The following FRMPD4 variants were observed in gnomAD, a reference collection of about 807,000 sequenced individuals.
The protein encoded by FRMPD4 is FERM and PDZ domain-containing protein 4.
A neutral mutation model predicts 94.1 loss-of-function variants in FRMPD4; 22 were observed. The ratio of observed to expected loss-of-function variants is 0.23; its 90% CI spans 0.17 to 0.33. The LOEUF (loss-of-function observed/expected upper bound fraction) is 0.33, where lower values mean the gene tolerates loss of function less well. Ranked by LOEUF, FRMPD4 falls within the 10% of genes least tolerant of loss-of-function variation. FRMPD4 has a pLI of 1.00. For missense variants in FRMPD4, 1,111 were observed against 1,339.9 expected (o/e 0.83, Z 2.67); for synonymous variants, 631 against 548.6 (o/e 1.15, Z -2.10).
At chrX:11,986,028 C>T (rs756959542) in intron 3 of FRMPD4, among the ~76,000 whole-genome samples, 1 of 112,666 alleles carries the variant, frequency 8.9e-6, no homozygotes, top group South Asian at 3.7e-4. Flanking sequence ...CATTGTAGAG[C>T]CCTAGGGCCT....
chrX:11,952,662 G>A (rs1202592618), intron 3 of FRMPD4, among the ~76,000 whole-genome samples: 1 of 111,591 alleles, frequency 9.0e-6, no homozygotes, highest in Non-Finnish European at 1.9e-5. Context: ...GCTAACCCAA[G>A]GGATATATTT....
intron 3 of FRMPD4, among the ~76,000 whole-genome samples, chrX:12,051,474 A>T (rs977257125): frequency 3.6e-5 from 4 of 111,862 alleles, no homozygotes; most frequent in African/African-American, 1.3e-4. Context: ...TACAAAGTGT[A>T]AAAAATATAA....
chrX:12,164,783 A>G (rs1182909654), intron 1 of FRMPD4, among the ~76,000 whole-genome samples: 3 of 111,981 alleles, frequency 2.7e-5, no homozygotes, highest in Non-Finnish European at 3.8e-5. Context: ...TTTGATTTGC[A>G]TTTCTCTGAT....
chrX:12,635,667 T>C (rs2059437398), intron 4 of FRMPD4, among the ~76,000 whole-genome samples: 1 of 111,287 alleles, frequency 9.0e-6, no homozygotes, highest in African/African-American at 3.3e-5. Context: ...CCATGTGGAT[T>C]TTCAGCAGCT....
intron 1 of FRMPD4, among the ~76,000 whole-genome samples, chrX:12,222,003 GA>G (rs1569196703): frequency 9.0e-6 from 1 of 111,396 alleles, no homozygotes; most frequent in Non-Finnish European, 1.9e-5. Context: ...ACAACAGTAT[GA>G]AAAAATATGC....
chrX:12,170,042 C>T lies in FRMPD4; in HGVS notation c.41+31030C>T, dbSNP rs1432101996. ...ACCATAATTTTCCGCAAAATATTTT[C>T]CTCAGTGCCATGAAAAGTATAGATA... On this transcript the variant is annotated intron_variant, in intron 1 of 16. Coordinates refer to ENST00000675598, the MANE Select transcript of FRMPD4 (RefSeq NM_001368397.1). Among the ~76,000 whole-genome samples the T allele has an allele frequency of 2.7e-5, 3 of 111,778 alleles. No individual in the cohort carries two copies. The East Asian group carries it at 8.5e-4, about 31-fold the overall frequency.
intron 1 of FRMPD4, among the ~76,000 whole-genome samples, chrX:12,228,232 G>A (rs986634734): frequency 8.9e-6 from 1 of 112,183 alleles, no homozygotes; most frequent in Non-Finnish European, 1.9e-5. Context: ...GGGTTTCCTT[G>A]CCTTTAGGAT....
chrX:12,263,790 A>C (rs779918325), intron 1 of FRMPD4, among the ~76,000 whole-genome samples: 1 of 104,670 alleles, frequency 9.6e-6, no homozygotes, highest in African/African-American at 3.5e-5. Context: ...GCATAACTTG[A>C]AAAAAAAAAA....
At chrX:11,876,972 G>A (rs2053789263) in intron 2 of FRMPD4, among the ~76,000 whole-genome samples, 1 of 112,012 alleles carries the variant, frequency 8.9e-6, no homozygotes, top group Non-Finnish European at 1.9e-5. Flanking sequence ...GCCACTAAAC[G>A]TCCTACAATG....
chrX:11,972,217 C>T (rs1454434538), intron 3 of FRMPD4, among the ~76,000 whole-genome samples: 1 of 111,722 alleles, frequency 9.0e-6, no homozygotes, highest in African/African-American at 3.3e-5. Flanking sequence ...TCGTGATTCA[C>T]GTATGAGTTT....
chrX:11,867,748 G>T lies in FRMPD4; in HGVS notation c.-30+2532G>T, dbSNP rs745367947. On this transcript the variant is annotated intron_variant, in intron 2 of 18. Coordinates refer to the FRMPD4 transcript ENST00000640291. Reference sequence around the variant, plus strand: ...TTGACTCATAGGCATGCTGGCCAGGGGTTGCAGCTACCCCTGTGTTCTGTT... The same window carrying T: ...TTGACTCATAGGCATGCTGGCCAGGTGTTGCAGCTACCCCTGTGTTCTGTT... Among the ~76,000 whole-genome samples, 3 of 111,551 alleles carry T rather than the reference G, an allele frequency of 2.7e-5. No homozygotes were observed. In the South Asian group the frequency reaches 1.1e-3, roughly 43 times the overall value.
chrX:12,154,906 GTCA>G (rs752951749), intron 1 of FRMPD4, among the ~76,000 whole-genome samples: 2 of 112,663 alleles, frequency 1.8e-5, no homozygotes, highest in South Asian at 7.4e-4. Flanking sequence ...CAGGCATCAT[GTCA>G]TCATATGACT....
intron 1 of FRMPD4, among the ~76,000 whole-genome samples, chrX:12,282,488 G>A (rs112671127): frequency 0.011 from 1,215 of 112,501 alleles, 14 homozygotes; most frequent in African/African-American, 0.037. Context: ...GGGGCACACA[G>A]AGGCAAAAGT....
At chrX:12,524,459 T>TA (rs2058198893) in intron 2 of FRMPD4, among the ~76,000 whole-genome samples, 1 of 111,883 alleles carries the variant, frequency 8.9e-6, no homozygotes, top group Non-Finnish European at 1.9e-5. Flanking sequence ...TTAAATGACT[T>TA]ATTCATATGA....
chrX:12,215,117 A>C (rs1467855481), intron 1 of FRMPD4, among the ~76,000 whole-genome samples: 5 of 111,893 alleles, frequency 4.5e-5, no homozygotes, highest in African/African-American at 1.3e-4. Flanking sequence ...AACTCACAAA[A>C]ATGGTCGTTT....
chrX:12,415,144 C>G (rs1474544261), intron 1 of FRMPD4, among the ~76,000 whole-genome samples: 2 of 111,095 alleles, frequency 1.8e-5, no homozygotes, highest in African/African-American at 3.3e-5. Context: ...ACATATGTAA[C>G]TCTTGGCTTA....
At chrX:12,164,367 G>T (rs776988944) in intron 1 of FRMPD4, among the ~76,000 whole-genome samples, 5 of 111,885 alleles carry the variant, frequency 4.5e-5, no homozygotes, top group South Asian at 3.8e-4. Context: ...TCCCTACAAA[G>T]GACATGAACT....
intron 3 of FRMPD4, among the ~76,000 whole-genome samples, chrX:11,921,643 A>C (rs1248901984): frequency 1.8e-5 from 2 of 112,036 alleles, no homozygotes; most frequent in African/African-American, 6.5e-5. Context: ...ATTTTTCCCT[A>C]TGCCATAAGA....
chrX:12,474,566 A>G (rs774993039), intron 1 of FRMPD4, among the ~76,000 whole-genome samples: 2 of 111,959 alleles, frequency 1.8e-5, no homozygotes, highest in Non-Finnish European at 3.8e-5. Flanking sequence ...ACCACTAGTA[A>G]GACTAATAAA....
Sources: gnomAD v4.1 joint callset for allele counts (sites outside exome capture counted in the v4.1 genomes callset) on GRCh38, gnomAD v4.1.1 for gene constraint, MANE v1.5 for transcripts, NCBI Gene and HGNC (gene_info 2026-07-23, HGNC 2026-07-21) for gene names.